PPP1R12B: variants seen among roughly 807,000 people sequenced by gnomAD.
The protein encoded by PPP1R12B is protein phosphatase 1 regulatory subunit 12B.
PPP1R12B carries 76 observed loss-of-function variants against 126.1 expected under a neutral mutation model. That is an observed-to-expected ratio of 0.60 (90% confidence interval 0.50 to 0.73). PPP1R12B has a LOEUF of 0.73. Ranked by LOEUF, PPP1R12B falls within the 30% of genes least tolerant of loss-of-function variation. The pLI, the probability that PPP1R12B is intolerant of heterozygous loss-of-function variation, is 0.00. For missense variants in PPP1R12B, 1,052 were observed against 1,205.1 expected (o/e 0.87, Z 1.88); for synonymous variants, 356 against 434.7 (o/e 0.82, Z 2.25).
chr1:202,495,266 A>C (rs368484560), intron 15 of PPP1R12B, 27 bp from the exon 16 acceptor site: 1 of 1,516,486 alleles, frequency 6.6e-7, no homozygotes, highest in Non-Finnish European at 8.8e-7. Flanking sequence ...TTGATTTCTA[A>C]TATCTCATAT....
At chr1:202,366,786 A>G (rs1441407759) in intron 1 of PPP1R12B, among the ~76,000 whole-genome samples, 2 of 152,182 alleles carry the variant, frequency 1.3e-5, no homozygotes, top group Non-Finnish European at 2.9e-5. Flanking sequence ...AGAAAACTTC[A>G]TTTACATATG....
intron 9 of PPP1R12B, 149 bp downstream of exon 9, chr1:202,434,917 G>T: frequency 1.5e-6 from 2 of 1,371,324 alleles, no homozygotes; most frequent in South Asian, 1.4e-5. Flanking sequence ...ACACAGGCTG[G>T]GTGGCTTAAA....
rs577207130 is a variant in PPP1R12B, at chr1:202,519,431, A to AT, written c.2490+22619dup. Reference sequence around the variant, plus strand: ...AGGTGTTCACCACTACACCCAGCTAATTTTTTTTTTCTGTATTTTTAGTAA... The same window carrying AT: ...AGGTGTTCACCACTACACCCAGCTAATTTTTTTTTTTCTGTATTTTTAGTAA... On this transcript the variant is annotated intron_variant, in intron 18 of 23. Coordinates refer to ENST00000608999, the MANE Select transcript of PPP1R12B (RefSeq NM_002481.4). Among the ~76,000 whole-genome samples, 492 of 148,976 alleles carry AT rather than the reference A, an allele frequency of 3.3e-3. 4 individuals are homozygous for AT. Among genetic ancestry groups the AT allele is most frequent in the South Asian group, 0.025 (115 of 4,672 alleles).
At chr1:202,413,188 G>A (rs1667628744) in intron 1 of PPP1R12B, among the ~76,000 whole-genome samples, 1 of 151,830 alleles carries the variant, frequency 6.6e-6, no homozygotes, top group South Asian at 2.1e-4. Context: ...GACAGTTTTA[G>A]CTAATCTCAG....
chr1:202,517,041 A>G (rs1682229519), intron 18 of PPP1R12B, among the ~76,000 whole-genome samples: 1 of 152,212 alleles, frequency 6.6e-6, no homozygotes, highest in Non-Finnish European at 1.5e-5. Context: ...AAATGTTTTC[A>G]GAGAGAAAGT....
chr1:202,439,846 TC>T, intron 10 of PPP1R12B: 1 of 355,230 alleles, frequency 2.8e-6, no homozygotes, highest in South Asian at 2.7e-5. Flanking sequence ...AGCCTCAGTT[TC>T]TCCTCAACAG....
At chr1:202,485,554 A>G (rs1352128054) in intron 13 of PPP1R12B, among the ~76,000 whole-genome samples, 1 of 152,118 alleles carries the variant, frequency 6.6e-6, no homozygotes, top group East Asian at 1.9e-4. Flanking sequence ...TGTGGTAGCA[A>G]TGGGGATCAC....
chr1:202,450,067 A>G (rs1271989802), intron 13 of PPP1R12B, among the ~76,000 whole-genome samples: 1 of 152,182 alleles, frequency 6.6e-6, no homozygotes, highest in African/African-American at 2.4e-5. Context: ...CCATTTTGTA[A>G]TGGAGAACCT....
At chr1:202,412,708 A>G (rs868158694) in intron 1 of PPP1R12B, among the ~76,000 whole-genome samples, 2 of 152,242 alleles carry the variant, frequency 1.3e-5, no homozygotes, top group South Asian at 4.1e-4. Context: ...AAGGGCAAAG[A>G]GTGTTTTTAG....
chr1:202,564,328 T>C (rs2149016808), intron 20 of PPP1R12B, 115 bp from the exon 21 acceptor site: 1 of 659,814 alleles, frequency 1.5e-6, no homozygotes, highest in East Asian at 2.9e-5. Context: ...TTCCTTCATT[T>C]TCTCTCTCTA....
chr1:202,582,922 A>G lies in PPP1R12B; in HGVS notation c.*2362A>G, dbSNP rs1217290047. The G allele has an allele frequency of 3.9e-5, 6 of 152,108 alleles. No homozygotes were observed. Among genetic ancestry groups the G allele is most frequent in the Non-Finnish European group, 7.4e-5 (5 of 68,020 alleles). The allele number at this position is 152,108 out of a possible 1,614,324, so 9.4% of individuals were successfully genotyped here. On this transcript the variant is annotated 3_prime_UTR_variant, in exon 24 of 24. Transcript: ENST00000608999. ...AATAATAAATAAATAAAAAATCCCA[A>G]TTACAGAACAGGAGATATGTTTCCT...
At chr1:202,572,011 C>T (rs1485278571) in intron 23 of PPP1R12B, among the ~76,000 whole-genome samples, 1 of 152,166 alleles carries the variant, frequency 6.6e-6, no homozygotes, top group Non-Finnish European at 1.5e-5. Flanking sequence ...AAGACAAAAA[C>T]TTCAAAGATG....
intron 18 of PPP1R12B, among the ~76,000 whole-genome samples, chr1:202,548,414 G>A (rs1301331944): frequency 6.6e-6 from 1 of 152,074 alleles, no homozygotes; most frequent in Non-Finnish European, 1.5e-5. Flanking sequence ...AGGCTGGAGT[G>A]CAGTAGCACC....
intron 18 of PPP1R12B, among the ~76,000 whole-genome samples, chr1:202,517,851 C>T (rs1055191587): frequency 3.9e-5 from 6 of 152,154 alleles, no homozygotes; most frequent in Non-Finnish European, 8.8e-5. Context: ...GTCCTGAACT[C>T]CTGACCTCAG....
In PPP1R12B at chr1:202,429,117, T is replaced by C. The variant is rs370220698; in HGVS notation, c.921+188T>C. On this transcript the variant is annotated intron_variant, in intron 6 of 23. Transcript: ENST00000608999. ...GAAGAATATATCCCAGAAACCATTA[T>C]TGTTCAGGTTTTTTGCTCATTATAA... Among the ~76,000 whole-genome samples, 14 of 152,336 alleles carry C rather than the reference T, an allele frequency of 9.2e-5. No homozygotes were observed. In the East Asian group the frequency reaches 2.5e-3, roughly 27 times the overall value.
intron 1 of PPP1R12B, among the ~76,000 whole-genome samples, chr1:202,351,258 A>G (rs1156285171): frequency 4.0e-5 from 6 of 150,708 alleles, no homozygotes; most frequent in African/African-American, 1.2e-4. Context: ...AAAAAAAAAC[A>G]GTGTCTCACT....
intron 23 of PPP1R12B, among the ~76,000 whole-genome samples, chr1:202,578,068 C>T (rs1218081196): frequency 1.3e-5 from 2 of 152,186 alleles, no homozygotes; most frequent in Non-Finnish European, 2.9e-5. Flanking sequence ...TGGGGCTTCC[C>T]CCGCCCCTTG....
chr1:202,549,696 G>A (rs1686111645), intron 18 of PPP1R12B, among the ~76,000 whole-genome samples: 3 of 152,060 alleles, frequency 2.0e-5, no homozygotes, highest in Non-Finnish European at 4.4e-5. Flanking sequence ...GGTATTACAC[G>A]CATGAGCCAC....
intron 13 of PPP1R12B, among the ~76,000 whole-genome samples, chr1:202,473,694 C>T (rs1397150236): frequency 6.6e-6 from 1 of 152,246 alleles, no homozygotes. Context: ...AGCATTGGCT[C>T]TGCCGAGGCC....
Sources: allele counts gnomAD v4.1 joint callset (sites outside exome capture counted in the v4.1 genomes callset), GRCh38; gene constraint gnomAD v4.1.1; transcripts MANE v1.5; gene names NCBI Gene and HGNC (gene_info 2026-07-23, HGNC 2026-07-21).